CRHR2: variants seen among roughly 807,000 people sequenced by gnomAD.
CRHR2 encodes corticotropin-releasing hormone receptor 2.
Under a neutral mutation model 57.9 loss-of-function variants are expected in CRHR2, and 53 were observed. The observed-to-expected ratio is 0.92, with a 90% CI of 0.73 to 1.15. CRHR2 has a LOEUF of 1.15. CRHR2 is among the 50% of genes most tolerant of loss of function. The pLI is 0.00. For synonymous variants in CRHR2, 213 were observed against 220.9 expected (o/e 0.96, Z 0.32); for missense variants, 532 against 542.6 (o/e 0.98, Z 0.19).
At chr7:30,660,463 T>C in intron 8 of CRHR2, 110 bp downstream of exon 8, 1 of 1,097,142 alleles carries the variant, frequency 9.1e-7, no homozygotes, top group Non-Finnish European at 1.3e-6. Flanking sequence ...GCATATAGAG[T>C]GTGTGCGCAG....
rs1783623022 is a variant in CRHR2 at position 30,652,365 on chromosome 7, A to C, written c.*1095T>G. On this transcript the variant is annotated 3_prime_UTR_variant, in exon 12 of 12. Transcript: ENST00000471646. The surrounding 1 kb of genome is among the most constrained non-coding windows in gnomAD (Gnocchi z 4.4). The stretch of plus-strand genomic sequence containing the variant: ...CCTTGGTTGGGGGCTGGGGCCAGGT[A>C]TTAGCCTGGTTGGAGTGATAAGGGA... The C allele has an allele frequency of 1.3e-5, 2 of 152,366 alleles. No individual in the cohort carries two copies. Among genetic ancestry groups the C allele is most frequent in the Admixed American group, 1.3e-4 (2 of 15,292 alleles). The allele number at this position is 152,366 out of a possible 1,614,324, so 9.4% of individuals were successfully genotyped here.
At chr7:30,692,352 CCGTT>C (rs1584142948) in intron 1 of CRHR2, among the ~76,000 whole-genome samples, 2 of 152,172 alleles carry the variant, frequency 1.3e-5, no homozygotes, top group African/African-American at 2.4e-5. Context: ...GTGTGGGACT[CCGTT>C]TGCCCTCAGC....
Position 30,682,351 on chromosome 7 carries a change from G to C in CRHR2, c.-71C>G, listed in dbSNP as rs1214728800. On this transcript the variant is annotated 5_prime_UTR_variant, in exon 1 of 12. Transcript: ENST00000471646. The stretch of plus-strand genomic sequence containing the variant: ...GGCGTGACTGCGAGGGAGTGGACGC[G>C]AGAGTGAGCGGCCGAGAGGGCGCGG... 1 of 1,439,952 alleles carries C rather than the reference G, an allele frequency of 6.9e-7. No individual in the cohort carries two copies. Among genetic ancestry groups the C allele is most frequent in the Non-Finnish European group, 9.1e-7 (1 of 1,098,018 alleles). 89.2% of individuals were successfully genotyped at this position (1,439,952 alleles called of 1,614,324 possible). A position where few individuals can be genotyped will look rare whatever the true frequency, so the allele number is the denominator to read the frequency against.
rs576077753 is a variant in CRHR2, at chr7:30,655,723, C to A, written c.918-8G>T. The A allele has an allele frequency of 6.2e-7, 1 of 1,611,894 alleles. No individual in the cohort carries two copies. The highest frequency in any genetic ancestry group is 8.5e-7 in the Non-Finnish European group (1 of 1,178,758). On this transcript the variant is annotated splice_polypyrimidine_tract_variant and splice_region_variant and intron_variant, in intron 9 of 11. Transcript: ENST00000471646. The stretch of plus-strand genomic sequence containing the variant: ...GTGGCCTTCACTGCCTTCCTGGGGG[C>A]GAGAGGTGGACACAGGTCTGAGCCC...
Position 30,657,222 on chromosome 7 carries a change from G to A in CRHR2, c.832-1210C>T, listed in dbSNP as rs185894523. 3.5e-4 allele frequency among the ~76,000 whole-genome samples: 54 copies of A among 152,282 alleles called. 1 individual carries two copies. Among genetic ancestry groups the A allele is most frequent in the African/African-American group, 1.2e-3 (51 of 41,540 alleles). On this transcript the variant is annotated intron_variant, in intron 8 of 11. Transcript: ENST00000471646. ...AGAGGAGGGACACAGGATACAGACA[G>A]ATATCCTGAGACTGTCAACCTGTAG...
chr7:30,696,166 G>A (rs540929505), intron 1 of CRHR2, among the ~76,000 whole-genome samples: 1 of 151,676 alleles, frequency 6.6e-6, no homozygotes, highest in South Asian at 2.1e-4. Flanking sequence ...TAGGGGATGG[G>A]CTAACAGGTA....
chr7:30,654,102 T>G (rs191517050), intron 11 of CRHR2, among the ~76,000 whole-genome samples: 3 of 152,274 alleles, frequency 2.0e-5, no homozygotes, highest in Admixed American at 2.0e-4. Context: ...AACCATGGCA[T>G]TTACTGCCTG....
intron 2 of CRHR2, among the ~76,000 whole-genome samples, chr7:30,676,616 C>T (rs958898492): frequency 2.0e-5 from 3 of 152,224 alleles, no homozygotes; most frequent in Non-Finnish European, 4.4e-5. Context: ...CCCCTCTTCC[C>T]GATCTCTGAC....
In CRHR2 at chr7:30,655,708, C is replaced by T; in HGVS notation, c.925G>A (p.Val309Met). Residue 309 changes from valine (V) to methionine (M), a missense_variant, in exon 10 of 12, where the codon GTG becomes ATG. Transcript: ENST00000471646. ...GGCAGGAGCACCAGGGTGGCCTTCA[C>T]TGCCTTCCTGGGGGCGAGAGGTGGA... is the stretch of plus-strand genomic sequence containing the variant. Reference protein sequence around the residue: ...TSETIQYRKAVKATLVLLPLL... With the variant: ...TSETIQYRKAMKATLVLLPLL... 12 of 1,613,476 alleles carry T rather than the reference C, an allele frequency of 7.4e-6. No individual in the cohort carries two copies. Among genetic ancestry groups the T allele is most frequent in the Non-Finnish European group, 9.3e-6 (11 of 1,179,616 alleles).
rs149909822 is a variant in CRHR2, at chr7:30,656,004, G to A, written c.840C>T (p.Phe280=). ...GPIILVLLIN[F]VFLFNIVRIL... is the part of the protein sequence containing the mutation. ...TCCTGACGATGTTGAACAGAAATAC[G>A]AAATTGATCTGGAGGGAGGGCGGGC... Residue 280 remains phenylalanine (F), a synonymous_variant, in exon 9 of 12, where the codon TTC becomes TTT. Transcript: ENST00000471646. The surrounding 1 kb of genome is among the most constrained non-coding windows in gnomAD (Gnocchi z 4.4). 42 of 1,593,156 alleles carry A rather than the reference G, an allele frequency of 2.6e-5. No homozygotes were observed. Among genetic ancestry groups the A allele is most frequent in the Middle Eastern group, 1.7e-4 (1 of 6,008 alleles).
chr7:30,656,723 C>T lies in CRHR2; in HGVS notation c.832-711G>A, dbSNP rs1334527114. Among the ~76,000 whole-genome samples, 3 of 152,162 alleles carry T rather than the reference C, an allele frequency of 2.0e-5. No individual in the cohort carries two copies. Among genetic ancestry groups the T allele is most frequent in the Non-Finnish European group, 2.9e-5 (2 of 68,022 alleles). ...GCCCTGGAACTGGCCTGTGTGGCTCCCCAGCTGCTCCCTGCTGGGTGTGGG... is the reference window on the plus strand; with the variant it reads ...GCCCTGGAACTGGCCTGTGTGGCTCTCCAGCTGCTCCCTGCTGGGTGTGGG... On this transcript the variant is annotated intron_variant, in intron 8 of 11. Coordinates refer to ENST00000471646, the MANE Select transcript of CRHR2 (RefSeq NM_001883.5). The surrounding 1 kb of genome is among the most constrained non-coding windows in gnomAD (Gnocchi z 4.4).
Position 30,666,988 on chromosome 7 carries a change from C to T in CRHR2, c.315+240G>A, listed in dbSNP as rs534221994. ...ATTCCCTTTTTGTGTCACATGCCAC[C>T]TTGGCTTTGTCCTCTAGCAGCCCAA... On this transcript the variant is annotated intron_variant, in intron 3 of 11. Transcript: ENST00000471646. Among the ~76,000 whole-genome samples the T allele has an allele frequency of 1.6e-4, 25 of 152,352 alleles. No homozygotes were observed. In the South Asian group the frequency reaches 2.3e-3, roughly 14 times the overall value.
intron 2 of CRHR2, among the ~76,000 whole-genome samples, chr7:30,678,964 C>T (rs1361402036): frequency 6.6e-6 from 1 of 152,172 alleles, no homozygotes; most frequent in Non-Finnish European, 1.5e-5. Flanking sequence ...GGCTCCCTCT[C>T]CAGATGGTGA....
At chr7:30,671,399 G>A (rs1363132867) in intron 2 of CRHR2, among the ~76,000 whole-genome samples, 1 of 152,066 alleles carries the variant, frequency 6.6e-6, no homozygotes, top group African/African-American at 2.4e-5. Flanking sequence ...TGGTAGTTTT[G>A]GGGGAAGGAG....
At chr7:30,689,183 G>A (rs1306441190) in intron 2 of CRHR2, 16 of 1,547,808 alleles carry the variant, frequency 1.0e-5, no homozygotes, top group African/African-American at 1.4e-5. Context: ...GTGGCAGAGG[G>A]TACCTACCTG....
chr7:30,669,208 C>T (rs1305817314), intron 2 of CRHR2, among the ~76,000 whole-genome samples: 1 of 152,164 alleles, frequency 6.6e-6, no homozygotes, highest in Non-Finnish European at 1.5e-5. Flanking sequence ...ATCCAGCTTT[C>T]CTGAAGCTCA....
At chr7:30,679,212 G>T (rs980428915) in intron 2 of CRHR2, among the ~76,000 whole-genome samples, 6 of 152,172 alleles carry the variant, frequency 3.9e-5, no homozygotes, top group Non-Finnish European at 8.8e-5. Context: ...AGTCCTCCCT[G>T]ATCCTCCAGG....
rs181990586 is a variant in CRHR2 at position 30,656,859 on chromosome 7, C to T, written c.832-847G>A. Among the ~76,000 whole-genome samples the T allele has an allele frequency of 1.6e-4, 24 of 152,260 alleles. No individual in the cohort carries two copies. The highest frequency in any genetic ancestry group is 9.2e-4 in the Admixed American group (14 of 15,294). On this transcript the variant is annotated intron_variant, in intron 8 of 11. Transcript: ENST00000471646. The surrounding 1 kb of genome is among the most constrained non-coding windows in gnomAD (Gnocchi z 4.4). ...TGGGTCTATCCTTTAAGCACTTGTGCAAGTGTGTTTGCCTCACAGAGCGTG... is the reference window on the plus strand; with the variant it reads ...TGGGTCTATCCTTTAAGCACTTGTGTAAGTGTGTTTGCCTCACAGAGCGTG...
chr7:30,689,371 C>T, intron 1 of CRHR2: 1 of 1,063,698 alleles, frequency 9.4e-7, no homozygotes, highest in Non-Finnish European at 1.4e-6. Flanking sequence ...TCCTATCACT[C>T]ATCCCTTACT....
Sources: allele counts gnomAD v4.1 joint callset (sites outside exome capture counted in the v4.1 genomes callset), GRCh38; gene constraint gnomAD v4.1.1; non-coding constraint Gnocchi (gnomAD v3.1); transcripts MANE v1.5; gene names NCBI Gene and HGNC (gene_info 2026-07-23, HGNC 2026-07-21).